The following MKLN1 variants were observed in gnomAD, a reference collection of about 807,000 sequenced individuals.
The protein encoded by MKLN1 is muskelin 1.
A neutral mutation model predicts 99.0 loss-of-function variants in MKLN1; 18 were observed. The observed-to-expected ratio is 0.18, with a 90% CI of 0.13 to 0.27. The LOEUF (loss-of-function observed/expected upper bound fraction) is 0.27. Among genes scored for constraint, MKLN1 ranks in the 10% least tolerant of loss-of-function variants. MKLN1 has a pLI of 1.00. For missense variants in MKLN1, 621 were observed against 875.9 expected, an observed-to-expected ratio of 0.71 and a Z score of 3.67; for synonymous variants, 288 against 293.2, an observed-to-expected ratio of 0.98 and a Z score of 0.18.
chr7:131,409,603 A>G (rs1794812415), intron 6 of MKLN1, among the ~76,000 whole-genome samples: 1 of 152,192 alleles, frequency 6.6e-6, no homozygotes, highest in Admixed American at 6.5e-5. Flanking sequence ...TTACCCAGAA[A>G]AGAAAGATTA....
chr7:131,490,708 A>G lies in MKLN1; in HGVS notation c.*2980A>G. The G allele has an allele frequency of 6.6e-6, 1 of 152,584 alleles. No homozygotes were observed. The highest frequency in any genetic ancestry group is 3.2e-3 in the Middle Eastern group (1 of 316). The allele number at this position is 152,584 out of a possible 1,614,324, so 9.5% of individuals were successfully genotyped here. ...AAAAAGTCACTGGTTTATCATAGAAAAGTTTGATGGGTTTAGAGCTCAGTG... is the reference window on the plus strand; with the variant it reads ...AAAAAGTCACTGGTTTATCATAGAAGAGTTTGATGGGTTTAGAGCTCAGTG... On this transcript the variant is annotated 3_prime_UTR_variant, in exon 18 of 18. Coordinates refer to ENST00000352689, the MANE Select transcript of MKLN1 (RefSeq NM_013255.5).
At chr7:131,212,850 G>T (rs1053000803) in intron 3 of MKLN1, among the ~76,000 whole-genome samples, 1 of 151,748 alleles carries the variant, frequency 6.6e-6, no homozygotes, top group African/African-American at 2.4e-5. Flanking sequence ...TGGAACCCGG[G>T]AGGCGGAGGT....
intron 2 of MKLN1, among the ~76,000 whole-genome samples, chr7:131,145,170 G>A (rs1584789843): frequency 6.6e-6 from 1 of 152,208 alleles, no homozygotes; most frequent in East Asian, 1.9e-4. Flanking sequence ...CAAATAGGTT[G>A]GAGGATACAA....
rs1010561340 is a variant in MKLN1 at position 131,493,423 on chromosome 7, A to G, written c.*5695A>G. 1 of 152,200 alleles carries G rather than the reference A, an allele frequency of 6.6e-6. No homozygotes were observed. The highest frequency in any genetic ancestry group is 1.5e-5 in the Non-Finnish European group (1 of 68,028). The allele number at this position is 152,200 out of a possible 1,614,324, so 9.4% of individuals were successfully genotyped here. ...ATCGAAAGGAAAAATAAATTTCTTC[A>G]TTTCTAACCCTAAAATAATTTTGTT... On this transcript the variant is annotated 3_prime_UTR_variant, in exon 18 of 18. Coordinates refer to ENST00000352689, the MANE Select transcript of MKLN1 (RefSeq NM_013255.5).
At chr7:131,398,094 C>T (rs1794412822) in intron 5 of MKLN1, among the ~76,000 whole-genome samples, 1 of 152,140 alleles carries the variant, frequency 6.6e-6, no homozygotes. Flanking sequence ...TTCCTAAACA[C>T]ATTATTTTCT....
intron 1 of MKLN1, among the ~76,000 whole-genome samples, chr7:131,348,813 G>A (rs969400392): frequency 6.6e-6 from 1 of 152,162 alleles, no homozygotes; most frequent in African/African-American, 2.4e-5. Flanking sequence ...AAAGAATTGA[G>A]ACAGTATGGT....
chr7:131,409,173 A>G (rs1417339576), intron 6 of MKLN1, among the ~76,000 whole-genome samples: 1 of 152,188 alleles, frequency 6.6e-6, no homozygotes, highest in Non-Finnish European at 1.5e-5. Flanking sequence ...TGGATGTCAT[A>G]TTTTTATAGA....
intron 3 of MKLN1, among the ~76,000 whole-genome samples, chr7:131,314,222 G>C (rs781108199): frequency 1.3e-5 from 2 of 152,178 alleles, no homozygotes; most frequent in African/African-American, 4.8e-5. Flanking sequence ...ATACAAAAGA[G>C]AGCAGAGTTT....
chr7:131,367,310 T>C (rs1800211410), intron 1 of MKLN1, among the ~76,000 whole-genome samples: 1 of 152,248 alleles, frequency 6.6e-6, no homozygotes. Flanking sequence ...TCAATTCTTC[T>C]TAACCAGTTC....
upstream of MKLN1, chr7:131,327,866 A>C (rs755929587): frequency 1.9e-6 from 3 of 1,605,706 alleles, no homozygotes; most frequent in Non-Finnish European, 2.5e-6. Flanking sequence ...GTTCGCTGCC[A>C]GCGGTCGGTG....
chr7:131,408,337 G>C (rs1035758827), intron 6 of MKLN1, among the ~76,000 whole-genome samples: 7 of 151,800 alleles, frequency 4.6e-5, no homozygotes, highest in Admixed American at 4.6e-4. Context: ...AATTCTTTTT[G>C]ATCTAATCAT....
intron 2 of MKLN1, among the ~76,000 whole-genome samples, chr7:131,159,185 T>C (rs1412471882): frequency 6.6e-6 from 1 of 152,060 alleles, no homozygotes; most frequent in Non-Finnish European, 1.5e-5. Flanking sequence ...AGAGAGACCC[T>C]GTCTCAAAAA....
intron 15 of MKLN1, among the ~76,000 whole-genome samples, chr7:131,466,902 T>TAC (rs1232724298): frequency 1.4e-5 from 2 of 146,902 alleles, no homozygotes; most frequent in African/African-American, 2.6e-5. Context: ...TATATATACA[T>TAC]ATACACACAC....
rs560330922 is a variant in MKLN1, at chr7:131,284,736, G to A, written c.-179+81762G>A. Among the ~76,000 whole-genome samples, 14 of 152,280 alleles carry A rather than the reference G, an allele frequency of 9.2e-5. No homozygotes were observed. In the South Asian group the frequency reaches 1.2e-3, roughly 14 times the overall value. ...TGTCAGGGCTTGCATACGTGCGGTC[G>A]CTTAGGGCAAGGTGCCTGTCAGCTA... On this transcript the variant is annotated intron_variant, in intron 3 of 7. Coordinates refer to the MKLN1 transcript ENST00000416992.
chr7:131,162,906 A>G (rs1006729260), intron 2 of MKLN1, among the ~76,000 whole-genome samples: 2 of 152,250 alleles, frequency 1.3e-5, no homozygotes, highest in African/African-American at 4.8e-5. Flanking sequence ...ATGGGCTACT[A>G]GAAAATGTTA....
chr7:131,404,673 C>T (rs925111602), intron 6 of MKLN1, among the ~76,000 whole-genome samples: 5 of 151,882 alleles, frequency 3.3e-5, no homozygotes, highest in African/African-American at 9.7e-5. Flanking sequence ...GGCACAGTCA[C>T]GGCTCACTAC....
At chr7:131,476,177 G>T (rs1433014817) in intron 16 of MKLN1, among the ~76,000 whole-genome samples, 2 of 152,164 alleles carry the variant, frequency 1.3e-5, no homozygotes, top group Non-Finnish European at 2.9e-5. Flanking sequence ...AAGGACACCT[G>T]TGAAAAACAT....
At chr7:131,317,383 T>C (rs1349596357) in intron 3 of MKLN1, among the ~76,000 whole-genome samples, 3 of 152,052 alleles carry the variant, frequency 2.0e-5, no homozygotes, top group Admixed American at 2.0e-4. Flanking sequence ...AGAAATAAAA[T>C]CCTTCCCAAA....
At chr7:131,230,950 G>A (rs535386984) in intron 3 of MKLN1, among the ~76,000 whole-genome samples, 6 of 151,754 alleles carry the variant, frequency 4.0e-5, no homozygotes, top group East Asian at 3.9e-4. Context: ...GTGAAACCCC[G>A]TCTCTACTAA....
Sources: gnomAD v4.1 joint callset for allele counts (sites outside exome capture counted in the v4.1 genomes callset) on GRCh38, gnomAD v4.1.1 for gene constraint, MANE v1.5 for transcripts, NCBI Gene and HGNC (gene_info 2026-07-23, HGNC 2026-07-21) for gene names.